Variants in QTGAL observed in about 807,000 individuals in gnomAD.
QTGAL encodes the protein queuosine-tRNA galactosyltransferase.
the QTGAL span, among the ~76,000 whole-genome samples, chr17:83,015,808 G>T: frequency 6.6e-6 from 1 of 152,164 alleles, no homozygotes; most frequent in Non-Finnish European, 1.5e-5. The surrounding 1 kb of genome is among the most constrained non-coding windows in gnomAD (Gnocchi z 4.4). Flanking sequence ...GACTCCTTAT[G>T]AGCATCTAAC....
At chr17:82,951,438 C>T in the QTGAL span, among the ~76,000 whole-genome samples, 6 of 152,200 alleles carry the variant, frequency 3.9e-5, no homozygotes, top group Admixed American at 1.3e-4. Context: ...GTTGGGACCT[C>T]GCTCTGTATT....
At chr17:83,042,601 T>C in the QTGAL span, among the ~76,000 whole-genome samples, 1 of 151,886 alleles carries the variant, frequency 6.6e-6, no homozygotes, top group African/African-American at 2.4e-5. Context: ...AAATAAGCAA[T>C]TAAACAGAAA....
At chr17:83,039,256 G>A in the QTGAL span, among the ~76,000 whole-genome samples, 21 of 138,980 alleles carry the variant, frequency 1.5e-4, 1 homozygote, top group African/African-American at 2.7e-4. Context: ...GGCGCCCGCC[G>A]CCCGCCCCTG....
At chr17:83,018,360 T>A in the QTGAL span, among the ~76,000 whole-genome samples, 9 of 152,380 alleles carry the variant, frequency 5.9e-5, no homozygotes, top group Non-Finnish European at 1.0e-4. Context: ...ACGTGCTCCG[T>A]GAACATGTAC....
the QTGAL span, among the ~76,000 whole-genome samples, chr17:82,975,017 G>A: frequency 9.5e-6 from 1 of 104,786 alleles, no homozygotes; most frequent in Non-Finnish European, 1.9e-5. Flanking sequence ...CCTCCCAGGG[G>A]CCGGAGGCCA....
the QTGAL span, among the ~76,000 whole-genome samples, chr17:82,988,970 A>T: frequency 6.6e-6 from 1 of 152,202 alleles, no homozygotes; most frequent in Non-Finnish European, 1.5e-5. Flanking sequence ...TACAACCAGA[A>T]ATGCCATTTG....
chr17:82,965,006 G>A, the QTGAL span, among the ~76,000 whole-genome samples: 1 of 148,040 alleles, frequency 6.8e-6, no homozygotes, highest in Non-Finnish European at 1.5e-5. Context: ...AGGGAGGACG[G>A]GGACATGGAC....
the QTGAL span, chr17:83,006,422 G>C: frequency 1.0e-6 from 1 of 985,114 alleles, no homozygotes; most frequent in Non-Finnish European, 1.2e-6. This position sits in a 1 kb window ranked among gnomAD's most constrained non-coding sequence, Gnocchi z 5.8. Flanking sequence ...TCACATTGCA[G>C]CTGTAAGAAA....
chr17:83,032,295 A>AC, the QTGAL span, among the ~76,000 whole-genome samples: 2 of 103,920 alleles, frequency 1.9e-5, no homozygotes, highest in Non-Finnish European at 1.9e-5. Context: ...GAGCTGAACA[A>AC]CGGGTCAGAC....
chr17:82,984,408 A>ACAGGGAGAGGCCACAGGAGGACG, the QTGAL span, among the ~76,000 whole-genome samples: 3 of 150,220 alleles, frequency 2.0e-5, no homozygotes, highest in East Asian at 3.9e-4. Flanking sequence ...ATGTGAGCAC[A>ACAGGGAGAGGCCACAGGAGGACG]CAGGGAGAGG....
At chr17:82,997,014 A>T in the QTGAL span, among the ~76,000 whole-genome samples, 1 of 152,270 alleles carries the variant, frequency 6.6e-6, no homozygotes, top group Non-Finnish European at 1.5e-5. Flanking sequence ...AGACCCCACA[A>T]GCACAGGCAA....
At chr17:82,973,056 C>T in the QTGAL span, among the ~76,000 whole-genome samples, 2 of 152,246 alleles carry the variant, frequency 1.3e-5, no homozygotes, top group African/African-American at 2.4e-5. Context: ...CGTGTGCTCC[C>T]GCGGCTGCCA....
the QTGAL span, among the ~76,000 whole-genome samples, chr17:82,977,906 C>T: frequency 6.6e-6 from 1 of 152,148 alleles, no homozygotes; most frequent in African/African-American, 2.4e-5. Context: ...GGTTTGGTGC[C>T]CAGCATTTCC....
At chr17:83,033,178 G>A in the QTGAL span, among the ~76,000 whole-genome samples, 3 of 152,008 alleles carry the variant, frequency 2.0e-5, no homozygotes, top group Non-Finnish European at 2.9e-5. Flanking sequence ...CTATACAAGC[G>A]ACTACCTGTT....
the QTGAL span, chr17:82,945,036 C>T: frequency 3.3e-5 from 5 of 152,114 alleles, no homozygotes; most frequent in African/African-American, 4.8e-5. Flanking sequence ...TATTCCCAGA[C>T]AAGGGCAGAA....
At chr17:83,044,668 G>A in the QTGAL span, among the ~76,000 whole-genome samples, 1 of 152,202 alleles carries the variant, frequency 6.6e-6, no homozygotes. Context: ...TAAAAGCCAG[G>A]CGCGGCGGCT....
At chr17:83,033,866 G>C in the QTGAL span, among the ~76,000 whole-genome samples, 3 of 152,180 alleles carry the variant, frequency 2.0e-5, no homozygotes, top group Non-Finnish European at 4.4e-5. Context: ...TTCTTAGAAA[G>C]TTTATTAGTT....
At chr17:83,007,306 T>C in the QTGAL span, 20 of 983,856 alleles carry the variant, frequency 2.0e-5, no homozygotes, top group Non-Finnish European at 1.1e-5. Context: ...CCACACCCAA[T>C]CTGACCGAGA....
chr17:83,035,085 T>C, the QTGAL span: 1 of 1,612,770 alleles, frequency 6.2e-7, no homozygotes, highest in Non-Finnish European at 8.5e-7. Context: ...ACTGCTTGAT[T>C]TTTAGCGTAT....
Sources: gnomAD v4.1 joint callset for allele counts (sites outside exome capture counted in the v4.1 genomes callset) on GRCh38, gnomAD v4.1.1 for gene constraint, Gnocchi (gnomAD v3.1) non-coding constraint, MANE v1.5 for transcripts, NCBI Gene and HGNC (gene_info 2026-07-23, HGNC 2026-07-21) for gene names.